The following DIP2C variants were observed in gnomAD, a reference collection of about 807,000 sequenced individuals.
DIP2C encodes DIP2 acetate--CoA ligase C (putative), also known as disco-interacting protein 2 homolog C.
Under a neutral mutation model 192.4 loss-of-function variants are expected in DIP2C, and 33 were observed. The observed-to-expected ratio is 0.17, with a 90% CI of 0.13 to 0.23. The LOEUF is 0.23. Among genes scored for constraint, DIP2C ranks in the 10% least tolerant of loss-of-function variants. DIP2C has a pLI of 1.00. For missense variants in DIP2C, 1,537 were observed against 2,110.1 expected, an observed-to-expected ratio of 0.73 and a Z score of 5.32; for synonymous variants, 979 against 864.1, an observed-to-expected ratio of 1.13 and a Z score of -2.33.
At chr10:417,539 C>A (rs887143996) in intron 6 of DIP2C, among the ~76,000 whole-genome samples, 1 of 152,182 alleles carries the variant, frequency 6.6e-6, no homozygotes, top group African/African-American at 2.4e-5. Context: ...TGGACACTTA[C>A]GAAGGCACAG....
chr10:320,456 C>T (rs537804639), intron 31 of DIP2C, among the ~76,000 whole-genome samples: 45 of 148,636 alleles, frequency 3.0e-4, no homozygotes, highest in African/African-American at 1.0e-3. Flanking sequence ...TGCAGTGAGC[C>T]GAGATCATGC....
intron 25 of DIP2C, 75 bp downstream of exon 25, chr10:349,255 CG>C (rs1958671534): frequency 1.3e-6 from 2 of 1,543,734 alleles, no homozygotes; most frequent in Admixed American, 3.5e-5. Context: ...CAGGCACCAG[CG>C]GGTGTAAGGG....
At chr10:547,291 G>A (rs1236441608) in intron 1 of DIP2C, among the ~76,000 whole-genome samples, 1 of 152,168 alleles carries the variant, frequency 6.6e-6, no homozygotes, top group Non-Finnish European at 1.5e-5. Context: ...CAGCCTACAG[G>A]GAGAAGCATG....
chr10:495,289 T>C (rs6560847), intron 1 of DIP2C, among the ~76,000 whole-genome samples: 150,744 of 152,294 alleles, frequency 0.99, 74,623 homozygotes, highest in East Asian at 1. Flanking sequence ...ATTCTGGAGA[T>C]CGAATGTACA....
At chr10:585,160 A>T (rs1380179627) in intron 1 of DIP2C, among the ~76,000 whole-genome samples, 3 of 152,188 alleles carry the variant, frequency 2.0e-5, no homozygotes, top group Non-Finnish European at 4.4e-5. Context: ...ACACAAAACA[A>T]GCTTGACCTC....
chr10:648,572 GCA>G (rs1855634832), intron 1 of DIP2C, among the ~76,000 whole-genome samples: 3 of 151,912 alleles, frequency 2.0e-5, no homozygotes, highest in African/African-American at 4.8e-5. Context: ...TTGAGGGTGG[GCA>G]AGAACAGAGG....
chr10:540,534 T>C (rs1404596000), intron 1 of DIP2C, among the ~76,000 whole-genome samples: 4 of 152,220 alleles, frequency 2.6e-5, no homozygotes, highest in Non-Finnish European at 4.4e-5. Flanking sequence ...GCCTATTCTA[T>C]AAGCAATCTG....
intron 1 of DIP2C, among the ~76,000 whole-genome samples, chr10:576,986 A>G (rs1009187769): frequency 2.6e-5 from 4 of 152,218 alleles, no homozygotes; most frequent in Non-Finnish European, 5.9e-5. Context: ...TACTTAAAAT[A>G]TAAAATTCAT....
At chr10:680,778 G>A (rs75470129) in intron 1 of DIP2C, among the ~76,000 whole-genome samples, 5,055 of 152,342 alleles carry the variant, frequency 0.033, 267 homozygotes, top group African/African-American at 0.11. Context: ...GAGTGGTAAA[G>A]TCAAGAACTG....
chr10:575,365 G>A (rs1850086384), intron 1 of DIP2C, among the ~76,000 whole-genome samples: 1 of 152,176 alleles, frequency 6.6e-6, no homozygotes, highest in Non-Finnish European at 1.5e-5. Context: ...GAAGGGACTG[G>A]TAAACTTCAG....
intron 28 of DIP2C, among the ~76,000 whole-genome samples, chr10:344,174 ACAGT>A (rs1391131323): frequency 2.6e-5 from 4 of 152,352 alleles, no homozygotes; most frequent in South Asian, 4.1e-4. Flanking sequence ...ACTTCAGACC[ACAGT>A]AAGTAAATCA....
At chr10:643,370 C>T (rs1855298567) in intron 1 of DIP2C, among the ~76,000 whole-genome samples, 1 of 152,094 alleles carries the variant, frequency 6.6e-6, no homozygotes, top group Admixed American at 6.5e-5. Context: ...AAAAATTAGC[C>T]AGGCGTGGTG....
chr10:560,139 G>T (rs921287462), intron 1 of DIP2C, among the ~76,000 whole-genome samples: 5 of 152,136 alleles, frequency 3.3e-5, no homozygotes, highest in African/African-American at 9.7e-5. Context: ...GAAACTGGGA[G>T]CTAGGTGTAA....
chr10:295,227 A>T (rs116306621), intron 32 of DIP2C, among the ~76,000 whole-genome samples: 1 of 152,186 alleles, frequency 6.6e-6, no homozygotes, highest in African/African-American at 2.4e-5. Context: ...TAGGGAGGCA[A>T]AAGTCAAAAC....
At chr10:388,434 A>G (rs1963164664) in intron 13 of DIP2C, among the ~76,000 whole-genome samples, 1 of 152,214 alleles carries the variant, frequency 6.6e-6, no homozygotes, top group South Asian at 2.1e-4. Context: ...CAAGGTCAGC[A>G]GCTGCCTGCA....
chr10:376,286 C>G (rs1035976759), intron 17 of DIP2C, among the ~76,000 whole-genome samples: 10 of 136,652 alleles, frequency 7.3e-5, no homozygotes, highest in African/African-American at 3.0e-4. Flanking sequence ...GACCCAGGCC[C>G]ACCTCGGCCC....
At chr10:572,037 G>A (rs1212367755) in intron 1 of DIP2C, among the ~76,000 whole-genome samples, 4 of 152,212 alleles carry the variant, frequency 2.6e-5, no homozygotes, top group African/African-American at 9.6e-5. Context: ...ACTGAATTCT[G>A]CCCGAGGCTC....
chr10:679,406 A>C (rs1379618292), intron 1 of DIP2C, among the ~76,000 whole-genome samples: 1 of 20,962 alleles, frequency 4.8e-5, no homozygotes, highest in Non-Finnish European at 8.9e-5. Context: ...CATGCTCCCC[A>C]CACCCAGGCT....
chr10:599,604 G>A (rs1353504762), intron 1 of DIP2C, among the ~76,000 whole-genome samples: 5 of 152,144 alleles, frequency 3.3e-5, no homozygotes, highest in Admixed American at 3.3e-4. Flanking sequence ...ACCTGAAAAG[G>A]GCAAAATCGC....
Sources: allele counts gnomAD v4.1 joint callset (sites outside exome capture counted in the v4.1 genomes callset), GRCh38; gene constraint gnomAD v4.1.1; transcripts MANE v1.5; gene names NCBI Gene and HGNC (gene_info 2026-07-23, HGNC 2026-07-21).